AFG2B: variants seen among roughly 807,000 people sequenced by gnomAD.
The protein encoded by AFG2B is AAA ATPase AFG2B.
At chr15:45,402,743 C>G in the AFG2B span, 8 of 1,569,190 alleles carry the variant, frequency 5.1e-6, no homozygotes, top group Non-Finnish European at 6.9e-6. Flanking sequence ...GTGCCCTGTC[C>G]GCCCCTGCGG....
At chr15:45,418,645 T>G in the AFG2B span, 1 of 1,614,078 alleles carries the variant, frequency 6.2e-7, no homozygotes, top group South Asian at 1.1e-5. Flanking sequence ...GAAACCTGTT[T>G]TTTTTCTGGA....
chr15:45,421,157 T>G, the AFG2B span: 1 of 1,610,896 alleles, frequency 6.2e-7, no homozygotes, highest in Non-Finnish European at 8.5e-7. Context: ...GGACTTGGCT[T>G]TATATGAAAA....
At chr15:45,409,488 TG>T in the AFG2B span, among the ~76,000 whole-genome samples, 2 of 152,094 alleles carry the variant, frequency 1.3e-5, no homozygotes, top group Non-Finnish European at 2.9e-5. Context: ...GAGGACAATT[TG>T]GTAATAGCTG....
chr15:45,413,448 A>G, the AFG2B span, among the ~76,000 whole-genome samples: 29 of 152,172 alleles, frequency 1.9e-4, no homozygotes, highest in Non-Finnish European at 5.9e-5. Flanking sequence ...TACCTCAGTT[A>G]ATACAGCCAG....
the AFG2B span, chr15:45,403,000 C>G: frequency 1.3e-6 from 2 of 1,589,152 alleles, no homozygotes; most frequent in Non-Finnish European, 1.7e-6. Flanking sequence ...CGGGGAGCCT[C>G]CGTCGGAAGC....
chr15:45,412,189 T>C, the AFG2B span, among the ~76,000 whole-genome samples: 6 of 151,660 alleles, frequency 4.0e-5, no homozygotes, highest in Non-Finnish European at 2.9e-5. Context: ...GATCACGAGG[T>C]CAGGAGTTCA....
At chr15:45,404,842 A>T in the AFG2B span, among the ~76,000 whole-genome samples, 1 of 151,270 alleles carries the variant, frequency 6.6e-6, no homozygotes, top group Non-Finnish European at 1.5e-5. Flanking sequence ...AAATATATAT[A>T]TGTATACACA....
At chr15:45,414,736 C>G in the AFG2B span, 1 of 1,614,174 alleles carries the variant, frequency 6.2e-7, no homozygotes, top group Non-Finnish European at 8.5e-7. Flanking sequence ...TGGAGCTGAT[C>G]TGTTTTCACC....
At chr15:45,418,815 C>CCT in the AFG2B span, 1 of 1,175,074 alleles carries the variant, frequency 8.5e-7, no homozygotes, top group Non-Finnish European at 1.2e-6. Context: ...TGGCCCCATC[C>CCT]CTCACACAGC....
chr15:45,414,904 A>G, the AFG2B span: 2 of 784,620 alleles, frequency 2.5e-6, no homozygotes, highest in Non-Finnish European at 4.0e-6. Flanking sequence ...GTTTATTGAA[A>G]AATTTAGAAA....
chr15:45,420,974 A>G, the AFG2B span: 1 of 1,517,414 alleles, frequency 6.6e-7, no homozygotes, highest in Admixed American at 2.1e-5. Flanking sequence ...CCTGGGCAAT[A>G]AGAGCAAAAC....
chr15:45,411,870 G>C, the AFG2B span, among the ~76,000 whole-genome samples: 1 of 152,082 alleles, frequency 6.6e-6, no homozygotes, highest in Non-Finnish European at 1.5e-5. Flanking sequence ...GCCGAGGCAG[G>C]CAGATCACCT....
chr15:45,421,029 T>A, the AFG2B span: 22 of 1,601,398 alleles, frequency 1.4e-5, no homozygotes, highest in African/African-American at 2.8e-4. Context: ...TTTCTATTGC[T>A]TGTCTCTTAA....
the AFG2B span, chr15:45,402,717 G>C: frequency 1.3e-6 from 2 of 1,565,364 alleles, no homozygotes. Flanking sequence ...GTCTCAGCCT[G>C]AATCGCCTCC....
the AFG2B span, among the ~76,000 whole-genome samples, chr15:45,419,990 C>A: frequency 2.0e-5 from 2 of 98,588 alleles, no homozygotes; most frequent in African/African-American, 5.0e-5. Flanking sequence ...ACTCTGTCCC[C>A]CCCCCCCAAA....
the AFG2B span, chr15:45,410,485 G>A: frequency 6.2e-7 from 1 of 1,612,264 alleles, no homozygotes; most frequent in Non-Finnish European, 8.5e-7. Flanking sequence ...CTGTTGACTG[G>A]GAGGAGATTG....
chr15:45,403,671 G>GAT, the AFG2B span, among the ~76,000 whole-genome samples: 3 of 152,100 alleles, frequency 2.0e-5, no homozygotes, highest in Non-Finnish European at 4.4e-5. Flanking sequence ...GTTCTCTGCC[G>GAT]ATATATGATC....
the AFG2B span, among the ~76,000 whole-genome samples, chr15:45,416,690 G>A: frequency 3.9e-5 from 6 of 152,288 alleles, no homozygotes; most frequent in South Asian, 1.0e-3. Context: ...GAGGGATTAC[G>A]TCACTGGAGA....
At chr15:45,403,343 T>G in the AFG2B span, 1 of 1,607,630 alleles carries the variant, frequency 6.2e-7, no homozygotes, top group East Asian at 2.2e-5. Context: ...CTGGACGAGA[T>G]GGACGCCTTG....
Sources: gnomAD v4.1 joint callset for allele counts (sites outside exome capture counted in the v4.1 genomes callset) on GRCh38, gnomAD v4.1.1 for gene constraint, MANE v1.5 for transcripts, NCBI Gene and HGNC (gene_info 2026-07-23, HGNC 2026-07-21) for gene names.